CIB4: variants seen among roughly 807,000 people sequenced by gnomAD.
CIB4 encodes the protein calcium and integrin binding family member 4.
Under a neutral mutation model 25.8 loss-of-function variants are expected in CIB4, and 25 were observed. The observed-to-expected ratio is 0.97, with a 90% CI of 0.71 to 1.35. The LOEUF is 1.35. Ranked by LOEUF, CIB4 falls within the 40% of genes most tolerant of loss-of-function variation. CIB4 has a pLI of 0.00. For synonymous variants in CIB4, 75 were observed against 81.4 expected, an observed-to-expected ratio of 0.92 and a Z score of 0.42; for missense variants, 235 against 228.2, an observed-to-expected ratio of 1.03 and a Z score of -0.19.
chr2:26,634,434 A>G (rs1669492176), intron 2 of CIB4, among the ~76,000 whole-genome samples: 1 of 152,218 alleles, frequency 6.6e-6, no homozygotes, highest in African/African-American at 2.4e-5. Context: ...AAAAGTAGGG[A>G]TAATAATACC....
chr2:26,590,645 A>G (rs1668572204), intron 4 of CIB4, among the ~76,000 whole-genome samples: 1 of 152,124 alleles, frequency 6.6e-6, no homozygotes, highest in African/African-American at 2.4e-5. Flanking sequence ...ACGCAGGCTC[A>G]GGATCCACGT....
Position 26,581,216 on chromosome 2 carries a change from T to C in CIB4, c.*147A>G. The C allele has an allele frequency of 1.5e-6, 1 of 670,134 alleles. No individual in the cohort carries two copies. Among genetic ancestry groups the C allele is most frequent in the Non-Finnish European group, 2.6e-6 (1 of 378,662 alleles). 41.5% of individuals were successfully genotyped at this position (670,134 alleles called of 1,614,324 possible). On this transcript the variant is annotated 3_prime_UTR_variant, in exon 7 of 7. Coordinates refer to ENST00000288861, the MANE Select transcript of CIB4 (RefSeq NM_001029881.3). ...ATGATCTGATGGGCTAAGGAAAAGC[T>C]TTTTCTTTTATCTAATAAACAATAT...
At chr2:26,595,378 G>C in intron 3 of CIB4, 61 bp from the exon 4 acceptor site, 1 of 1,558,698 alleles carries the variant, frequency 6.4e-7, no homozygotes, top group South Asian at 1.1e-5. Context: ...GTCTCCCTGG[G>C]TCTCTCTCAT....
intron 3 of CIB4, chr2:26,605,553 C>G (rs774922404): frequency 2.1e-6 from 1 of 471,128 alleles, no homozygotes; most frequent in South Asian, 1.5e-5. Context: ...CTTCCTTCAT[C>G]TCACTGCCTA....
At chr2:26,586,067 C>T (rs896841849) in intron 4 of CIB4, among the ~76,000 whole-genome samples, 12 of 152,298 alleles carry the variant, frequency 7.9e-5, no homozygotes, top group Admixed American at 4.6e-4. Context: ...GCCCAGCCAC[C>T]GTTGCCTCTC....
chr2:26,594,943 G>T (rs1372137279), intron 4 of CIB4, among the ~76,000 whole-genome samples: 2 of 151,726 alleles, frequency 1.3e-5, no homozygotes, highest in African/African-American at 4.9e-5. Context: ...AAATATCAAC[G>T]CCAATGACCC....
intron 3 of CIB4, 128 bp from the exon 4 acceptor site, chr2:26,595,445 A>G: frequency 9.6e-7 from 1 of 1,045,720 alleles, no homozygotes; most frequent in South Asian, 1.8e-5. Flanking sequence ...CAATGTAAAT[A>G]TCGGAGTAGA....
intron 3 of CIB4, among the ~76,000 whole-genome samples, chr2:26,603,247 A>G (rs936815929): frequency 6.6e-6 from 1 of 152,192 alleles, no homozygotes; most frequent in African/African-American, 2.4e-5. Flanking sequence ...AAAAACACGC[A>G]ATGACTAAAT....
At chr2:26,629,793 G>C (rs951111041) in intron 2 of CIB4, among the ~76,000 whole-genome samples, 1 of 152,222 alleles carries the variant, frequency 6.6e-6, no homozygotes, top group African/African-American at 2.4e-5. Flanking sequence ...AATATGCCCT[G>C]TAGCGAGCAG....
chr2:26,592,235 G>A (rs1015043350), intron 4 of CIB4, among the ~76,000 whole-genome samples: 4 of 152,204 alleles, frequency 2.6e-5, no homozygotes, highest in African/African-American at 4.8e-5. Flanking sequence ...CCAGAGGAGC[G>A]ACCCCAGCCA....
chr2:26,614,329 G>C (rs180936334), intron 3 of CIB4, among the ~76,000 whole-genome samples: 1 of 152,292 alleles, frequency 6.6e-6, no homozygotes, highest in African/African-American at 2.4e-5. Flanking sequence ...CTGTGGCCGA[G>C]GGACTGGATG....
chr2:26,627,200 C>T lies in CIB4; in HGVS notation c.186+2210G>A, dbSNP rs1669327046. Among the ~76,000 whole-genome samples the T allele has an allele frequency of 6.6e-6, 1 of 152,200 alleles. No homozygotes were observed. Among genetic ancestry groups the T allele is most frequent in the African/African-American group, 2.4e-5 (1 of 41,452 alleles). On this transcript the variant is annotated intron_variant, in intron 3 of 6. Coordinates refer to ENST00000288861, the MANE Select transcript of CIB4 (RefSeq NM_001029881.3). The surrounding 1 kb of genome is among the most constrained non-coding windows in gnomAD (Gnocchi z 4.0). ...CTGTGGCACCTGGAAGACCCAGGCA[C>T]ATGGTCACTGCTCAGCCAAGCCTTG...
chr2:26,619,253 G>T (rs1669155588), intron 3 of CIB4, among the ~76,000 whole-genome samples: 1 of 152,172 alleles, frequency 6.6e-6, no homozygotes, highest in Admixed American at 6.5e-5. Context: ...GCCCTCCCCG[G>T]GGGGTGAGGG....
intron 3 of CIB4, among the ~76,000 whole-genome samples, chr2:26,608,547 C>T (rs896149961): frequency 2.0e-5 from 3 of 152,144 alleles, no homozygotes; most frequent in African/African-American, 4.8e-5. Context: ...ATGACCTGAT[C>T]GAACTCCCAG....
At chr2:26,615,290 A>G (rs1662975) in intron 3 of CIB4, among the ~76,000 whole-genome samples, 102,377 of 152,114 alleles carry the variant, frequency 0.67, 34,634 homozygotes, top group Admixed American at 0.73. Context: ...ATGAAACAGG[A>G]GTCGAACAAA....
At chr2:26,603,325 C>A in intron 3 of CIB4, among the ~76,000 whole-genome samples, 1 of 151,982 alleles carries the variant, frequency 6.6e-6, no homozygotes. Flanking sequence ...TAGTGCAAGC[C>A]GAGCAAAGTT....
chr2:26,583,780 A>G lies in CIB4; in HGVS notation c.438+9T>C, dbSNP rs1668397205. 1.3e-6 allele frequency: 2 copies of G among 1,577,456 alleles called. No homozygotes were observed. Among genetic ancestry groups the G allele is most frequent in the Non-Finnish European group, 1.7e-6 (2 of 1,148,086 alleles). ...CCCCAGCCACCAACTCCCAGCCCCC[A>G]GCACACACGTGGTTCGTGAGGTCCA... is the stretch of plus-strand genomic sequence containing the variant. On this transcript the variant is annotated intron_variant, in intron 5 of 6. Coordinates refer to ENST00000288861, the MANE Select transcript of CIB4 (RefSeq NM_001029881.3).
rs1479428507 is a variant in CIB4, at chr2:26,589,093, TTCTTCTTCTTCTTCC to T, written c.329-5210_329-5196del. 7.0e-4 allele frequency among the ~76,000 whole-genome samples: 65 copies of T among 92,898 alleles called. 11 individuals carry two copies. The highest frequency in any genetic ancestry group is 3.4e-3 in the African/African-American group (55 of 16,182). 60.9% of individuals were successfully genotyped at this position (92,898 alleles called of 152,430 possible). ...CTTCCTCTTCTTCTTCTTCTTCTTC[TTCTTCTTCTTCTTCC>T]TCTTCTTCTTCTTCTTCTTCTTCTT... On this transcript the variant is annotated intron_variant, in intron 4 of 6. Transcript: ENST00000288861.
intron 1 of CIB4, 136 bp from the exon 2 acceptor site, chr2:26,640,703 G>A (rs959415577): frequency 1.1e-6 from 1 of 870,984 alleles, no homozygotes; most frequent in South Asian, 1.6e-5. Flanking sequence ...CCAGGTTGAG[G>A]TGGATGCCTG....
Sources: gnomAD v4.1 joint callset for allele counts (sites outside exome capture counted in the v4.1 genomes callset) on GRCh38, gnomAD v4.1.1 for gene constraint, Gnocchi (gnomAD v3.1) non-coding constraint, MANE v1.5 for transcripts, NCBI Gene and HGNC (gene_info 2026-07-23, HGNC 2026-07-21) for gene names.